NEBL: variants seen among roughly 807,000 people sequenced by gnomAD.
The protein encoded by NEBL is LIM and SH3 protein 2.
In NEBL, 122 loss-of-function variants were observed where a neutral mutation model predicts 140.2. The ratio of observed to expected loss-of-function variants is 0.87; its 90% CI spans 0.75 to 1.01. The LOEUF is 1.01. NEBL is among the 50% of genes least tolerant of loss of function. NEBL has a pLI of 0.00. For synonymous variants in NEBL, 436 were observed against 398.9 expected, an observed-to-expected ratio of 1.09 and a Z score of -1.11; for missense variants, 1,365 against 1,231.3, an observed-to-expected ratio of 1.11 and a Z score of -1.62.
At chr10:21,122,788 T>A (rs1019359744) in intron 2 of NEBL, among the ~76,000 whole-genome samples, 2 of 152,102 alleles carry the variant, frequency 1.3e-5, no homozygotes, top group African/African-American at 4.8e-5. Context: ...ACAGATCAAT[T>A]TCCTAAGGAA....
intron 3 of NEBL, among the ~76,000 whole-genome samples, chr10:21,238,634 T>C (rs1842392956): frequency 6.9e-6 from 1 of 145,700 alleles, no homozygotes; most frequent in Non-Finnish European, 1.5e-5. Flanking sequence ...CACTTGAACC[T>C]GGGAGGCGGA....
rs1035917838 is a variant in NEBL at position 21,109,734 on chromosome 10, G to T, written c.164+62649C>A. 5.3e-5 allele frequency among the ~76,000 whole-genome samples: 8 copies of T among 152,246 alleles called. No individual in the cohort carries two copies. In the East Asian group the frequency reaches 1.5e-3, roughly 29 times the overall value. ...CTTCCTGGTTTAGTCTTGGGAGAAT[G>T]TATGTGTCCAGGAATTCATCCATTT... On this transcript the variant is annotated intron_variant, in intron 2 of 6. Coordinates refer to the NEBL transcript ENST00000417816.
intron 4 of NEBL, among the ~76,000 whole-genome samples, chr10:20,958,275 AC>A (rs1295353006): frequency 6.6e-6 from 1 of 152,226 alleles, no homozygotes; most frequent in Non-Finnish European, 1.5e-5. Flanking sequence ...AATGTGATGT[AC>A]AAAGATATTT....
intron 3 of NEBL, among the ~76,000 whole-genome samples, chr10:21,209,591 G>T (rs1488839090): frequency 6.6e-6 from 1 of 151,552 alleles, no homozygotes; most frequent in African/African-American, 2.4e-5. Context: ...GCAGAAGTCT[G>T]CAGGATGTGT....
At chr10:21,044,427 A>AAAAAG (rs1834417130) in intron 2 of NEBL, among the ~76,000 whole-genome samples, 1 of 147,610 alleles carries the variant, frequency 6.8e-6, no homozygotes, top group Non-Finnish European at 1.5e-5. Flanking sequence ...AAAAAAAAAA[A>AAAAAG]GCTCCTAACT....
chr10:20,981,093 A>G (rs145796830), intron 3 of NEBL, among the ~76,000 whole-genome samples: 103 of 152,276 alleles, frequency 6.8e-4, no homozygotes, highest in African/African-American at 2.4e-3. Context: ...CCCAGCCCCA[A>G]CAAATTATTT....
intron 1 of NEBL, among the ~76,000 whole-genome samples, chr10:21,265,773 A>G (rs1842790413): frequency 2.6e-5 from 4 of 152,244 alleles, no homozygotes; most frequent in Admixed American, 2.6e-4. Context: ...CTCTGTCACA[A>G]CTACTCAACT....
intron 2 of NEBL, among the ~76,000 whole-genome samples, chr10:21,126,965 AC>A (rs1245276608): frequency 7.5e-6 from 1 of 132,726 alleles, no homozygotes; most frequent in Non-Finnish European, 1.6e-5. Flanking sequence ...ACAGAGGGAG[AC>A]CCTGTATCAA....
rs1843118639 is a variant in NEBL at position 21,289,809 on chromosome 10, C to T, written n.182+3021G>A. Among the ~76,000 whole-genome samples, 3 of 152,272 alleles carry T rather than the reference C, an allele frequency of 2.0e-5. No homozygotes were observed. In the South Asian group the frequency reaches 6.2e-4, roughly 32 times the overall value. On this transcript the variant is annotated intron_variant and non_coding_transcript_variant, in intron 1 of 8. Transcript: ENST00000675702. ...AGGCTAGATAGTGGGTCAGAAACTA[C>T]AGTCAAAGGGCAAACCCAATCTGGT...
At chr10:20,912,787 C>T (rs1319801450) in intron 4 of NEBL, among the ~76,000 whole-genome samples, 1 of 151,880 alleles carries the variant, frequency 6.6e-6, no homozygotes, top group East Asian at 1.9e-4. Context: ...ACATTTGAAG[C>T]TGTCTGCATT....
At chr10:21,278,373 C>G (rs139255293) in intron 1 of NEBL, among the ~76,000 whole-genome samples, 2 of 152,282 alleles carry the variant, frequency 1.3e-5, no homozygotes, top group African/African-American at 4.8e-5. Context: ...GAGCCCAGGA[C>G]GTCGAGGCTT....
chr10:21,043,730 T>C (rs1354225645), intron 2 of NEBL, among the ~76,000 whole-genome samples: 1 of 152,208 alleles, frequency 6.6e-6, no homozygotes, highest in Non-Finnish European at 1.5e-5. Context: ...AATTGAGGTC[T>C]CTCAAATATT....
At chr10:20,889,975 G>A (rs189605629) in intron 2 of NEBL, 26 bp from the exon 3 acceptor site, 78 of 1,456,040 alleles carry the variant, frequency 5.4e-5, no homozygotes, top group Middle Eastern at 1.8e-4. Context: ...ATTTACATAA[G>A]AAGAGAAAAA....
intron 1 of NEBL, among the ~76,000 whole-genome samples, chr10:21,291,966 A>C (rs1564557305): frequency 6.6e-6 from 1 of 151,856 alleles, no homozygotes; most frequent in Non-Finnish European, 1.5e-5. Context: ...ACCCATATGC[A>C]GATGATAATT....
At chr10:21,116,603 T>G (rs1838296003) in intron 2 of NEBL, among the ~76,000 whole-genome samples, 2 of 152,108 alleles carry the variant, frequency 1.3e-5, no homozygotes, top group Non-Finnish European at 2.9e-5. Flanking sequence ...TAGGCCTTTT[T>G]CTATATACTG....
chr10:20,985,742 A>G (rs1413156016), intron 3 of NEBL, among the ~76,000 whole-genome samples: 2 of 152,190 alleles, frequency 1.3e-5, no homozygotes, highest in African/African-American at 4.8e-5. Context: ...TACAATATTC[A>G]GGATGGAGAG....
At chr10:20,867,093 T>C (rs572991290) in intron 7 of NEBL, among the ~76,000 whole-genome samples, 1 of 152,148 alleles carries the variant, frequency 6.6e-6, no homozygotes, top group Non-Finnish European at 1.5e-5. Flanking sequence ...TCTCTTTTTT[T>C]ATATTTTAAA....
In NEBL at chr10:20,794,701, A is replaced by G. The variant is rs191100897; in HGVS notation, c.2762-7393T>C. Among the ~76,000 whole-genome samples the G allele has an allele frequency of 2.6e-3, 398 of 152,322 alleles. 4 individuals carry two copies. The highest frequency in any genetic ancestry group is 8.0e-3 in the African/African-American group (331 of 41,574). On this transcript the variant is annotated intron_variant, in intron 26 of 27. Coordinates refer to ENST00000377122, the MANE Select transcript of NEBL (RefSeq NM_006393.3). Reference sequence around the variant, plus strand: ...AGGTAACATAAGACTCTACTTCCCCAGGAATACTGAATCTGCACACAATAA... The same window carrying G: ...AGGTAACATAAGACTCTACTTCCCCGGGAATACTGAATCTGCACACAATAA...
At chr10:21,261,399 A>T (rs977048717) in intron 1 of NEBL, among the ~76,000 whole-genome samples, 2 of 152,124 alleles carry the variant, frequency 1.3e-5, no homozygotes, top group African/African-American at 4.8e-5. Context: ...AGCGGCTCAC[A>T]CTGTAAGCCT....
Sources: gnomAD v4.1 joint callset for allele counts (sites outside exome capture counted in the v4.1 genomes callset) on GRCh38, gnomAD v4.1.1 for gene constraint, MANE v1.5 for transcripts, NCBI Gene and HGNC (gene_info 2026-07-23, HGNC 2026-07-21) for gene names.